The following SLC18A1 variants were observed in gnomAD, a reference collection of about 807,000 sequenced individuals.
SLC18A1 encodes solute carrier family 18 member A1, also known as chromaffin granule amine transporter.
SLC18A1 carries 69 observed loss-of-function variants against 53.7 expected under a neutral mutation model. That is an observed-to-expected ratio of 1.28 (90% CI 1.06 to 1.57). SLC18A1 has a LOEUF of 1.57. Ranked by LOEUF, SLC18A1 falls within the 40% of genes most tolerant of loss-of-function variation. The pLI, the probability that SLC18A1 is intolerant of heterozygous loss-of-function variation, is 0.00. For missense variants in SLC18A1, 932 were observed against 668.1 expected, an observed-to-expected ratio of 1.40 and a Z score of -4.35; for synonymous variants, 320 against 248.1, an observed-to-expected ratio of 1.29 and a Z score of -2.72.
Position 20,156,722 on chromosome 8 carries a change from A to T in SLC18A1, c.1016-5978T>A, listed in dbSNP as rs139637565. On this transcript the variant is annotated intron_variant, in intron 10 of 15. Coordinates refer to ENST00000276373, the MANE Select transcript of SLC18A1 (RefSeq NM_003053.4). Reference sequence around the variant, plus strand: ...CATATTTCTTACCCAAAAGGACTTAATCCGGGGCAACAAAAAGTTTAAGAT... The same window carrying T: ...CATATTTCTTACCCAAAAGGACTTATTCCGGGGCAACAAAAAGTTTAAGAT... 2.4e-3 allele frequency among the ~76,000 whole-genome samples: 371 copies of T among 152,358 alleles called. 1 individual carries two copies. Among genetic ancestry groups the T allele is most frequent in the Non-Finnish European group, 4.1e-3 (278 of 68,036 alleles).
At chr8:20,175,226 A>T (rs2072226315) in intron 4 of SLC18A1, 1 of 152,146 alleles carries the variant, frequency 6.6e-6, no homozygotes, top group African/African-American at 2.4e-5. Flanking sequence ...CTCCCTGAAC[A>T]TCTCCATTAT....
At chr8:20,170,434 G>T (rs139944088) in intron 8 of SLC18A1, among the ~76,000 whole-genome samples, 1 of 152,234 alleles carries the variant, frequency 6.6e-6, no homozygotes, top group African/African-American at 2.4e-5. Flanking sequence ...CATGACTTCC[G>T]GAATACCTTG....
Position 20,180,865 on chromosome 8 carries a change from C to G in SLC18A1, c.100G>C (p.Asp34His). The change falls in exon 2 of 16, where the codon GAC becomes CAC. Residue 34 changes from aspartate to histidine, a missense_variant. By Grantham distance (81) the Asp-to-His change is moderately conservative. Coordinates refer to ENST00000276373, the MANE Select transcript of SLC18A1 (RefSeq NM_003053.4). ...CCCACCACAGTAAACAGCATGTTGT[C>G]CAGGAGCAAAGCGACGAATACCACC... Reference protein sequence around the residue: ...LVVVFVALLLDNMLFTVVVPI... With the variant: ...LVVVFVALLLHNMLFTVVVPI... The G allele has an allele frequency of 6.2e-7, 1 of 1,614,010 alleles. No individual in the cohort carries two copies.
At chr8:20,178,121 AACAC>A (rs10560327) in intron 4 of SLC18A1, among the ~76,000 whole-genome samples, 26,032 of 148,760 alleles carry the variant, frequency 0.17, 2,374 homozygotes, top group African/African-American at 0.19. Context: ...TGATGCATAT[AACAC>A]ACACACACAC....
intron 6 of SLC18A1, 37 bp from the exon 7 acceptor site, chr8:20,171,531 G>C (rs1304733104): frequency 6.6e-7 from 1 of 1,504,606 alleles, no homozygotes; most frequent in Non-Finnish European, 9.3e-7. Context: ...CCAGAGGTGA[G>C]GGTGAGTCCT....
intron 8 of SLC18A1, among the ~76,000 whole-genome samples, chr8:20,166,276 G>T (rs373887802): frequency 0.011 from 659 of 60,432 alleles, 13 homozygotes; most frequent in African/African-American, 0.026. Flanking sequence ...ATTGTGTGTG[G>T]GTGTGTGTGT....
chr8:20,166,098 A>T (rs1024876357), intron 8 of SLC18A1, among the ~76,000 whole-genome samples: 2 of 151,784 alleles, frequency 1.3e-5, no homozygotes, highest in African/African-American at 4.8e-5. Flanking sequence ...AAACCCTTTG[A>T]CCCAACAGTC....
intron 1 of SLC18A1, among the ~76,000 whole-genome samples, chr8:20,182,757 A>G (rs527655260): frequency 2.4e-4 from 36 of 152,334 alleles, no homozygotes; most frequent in African/African-American, 7.9e-4. Flanking sequence ...TTAACCAGTA[A>G]ATGCATGCAA....
At position 20,147,370 on chromosome 8, in the gene SLC18A1, A is replaced by G; in HGVS notation, c.1352T>C (p.Ile451Thr). Residue 451 changes from isoleucine (I) to threonine (T), a missense_variant, in exon 15 of 16, where the codon ATT becomes ACT. Ile to Thr is a moderately conservative substitution (Grantham distance 89). Coordinates refer to ENST00000276373, the MANE Select transcript of SLC18A1 (RefSeq NM_003053.4). Reference protein sequence around the residue: ...FAIGPSTGGAIVKAIGFPWLM... With the variant: ...FAIGPSTGGATVKAIGFPWLM... Reference sequence around the variant, plus strand: ...CCAGGGAAAACCGATGGCCTTTACAATGGCACCACCGGTGGATGGACCTGG... The same window carrying G: ...CCAGGGAAAACCGATGGCCTTTACAGTGGCACCACCGGTGGATGGACCTGG... The G allele has an allele frequency of 2.5e-6, 4 of 1,611,932 alleles. No individual in the cohort carries two copies. Among genetic ancestry groups the G allele is most frequent in the Non-Finnish European group, 3.4e-6 (4 of 1,179,332 alleles).
intron 5 of SLC18A1, 35 bp from the exon 6 acceptor site, chr8:20,173,163 G>C: frequency 6.7e-7 from 1 of 1,493,672 alleles, no homozygotes; most frequent in African/African-American, 1.4e-5. Flanking sequence ...CTGGCCCCCT[G>C]GGGGGCTTCT....
chr8:20,150,796 ATGCCT>A, intron 10 of SLC18A1, 52 bp from the exon 11 acceptor site: 1 of 1,509,380 alleles, frequency 6.6e-7, no homozygotes, highest in Non-Finnish European at 9.2e-7. Flanking sequence ...TTACTCTAAA[ATGCCT>A]TGTCTCGTAC....
chr8:20,147,970 G>T (rs746388971), intron 13 of SLC18A1, 37 bp downstream of exon 13: 7 of 1,605,844 alleles, frequency 4.4e-6, no homozygotes, highest in South Asian at 2.2e-5. Flanking sequence ...AAGCCAACAT[G>T]CAGGGGCTTA....
In SLC18A1 at chr8:20,160,913, C is replaced by G. The variant is rs59297551; in HGVS notation, c.1015+3956G>C. On this transcript the variant is annotated intron_variant, in intron 10 of 15. Transcript: ENST00000276373. ...AAAAGAAAAAGGGGCCAAACTCCCC[C>G]CTTTTGTGACTAACCCACTCCTATG... 5.1e-3 allele frequency among the ~76,000 whole-genome samples: 781 copies of G among 152,164 alleles called. 9 individuals are homozygous for G. Among genetic ancestry groups the G allele is most frequent in the African/African-American group, 0.018 (733 of 41,512 alleles).
intron 5 of SLC18A1, among the ~76,000 whole-genome samples, chr8:20,173,610 T>G (rs2072181739): frequency 6.6e-6 from 1 of 152,188 alleles, no homozygotes; most frequent in African/African-American, 2.4e-5. Context: ...ATGGGTAAAA[T>G]GGCATAAAAT....
In SLC18A1 at chr8:20,173,056, C is replaced by T; in HGVS notation, c.704G>A (p.Gly235Asp). 29 of 1,588,906 alleles carry T rather than the reference C, an allele frequency of 1.8e-5. No individual in the cohort carries two copies. Among genetic ancestry groups the T allele is most frequent in the East Asian group, 6.9e-5 (3 of 43,474 alleles). Residue 235 changes from glycine to aspartate, a missense_variant, in exon 6 of 16, where the codon GGC (glycine) becomes GAC (aspartate). Gly to Asp is a moderately conservative substitution (Grantham distance 94). Coordinates refer to ENST00000276373, the MANE Select transcript of SLC18A1 (RefSeq NM_003053.4). ...CTTACCCAGCAACCCCAAGGCCAGG[C>T]CCCCCAGAGCAGTTCCCATGGCTCG... Reference protein sequence around the residue: ...RGRAMGTALGGLALGLLVGAP... With the variant: ...RGRAMGTALGDLALGLLVGAP...
At chr8:20,177,417 C>T (rs1390409568) in intron 4 of SLC18A1, among the ~76,000 whole-genome samples, 1 of 152,148 alleles carries the variant, frequency 6.6e-6, no homozygotes, top group East Asian at 1.9e-4. Flanking sequence ...GGCATGTTCT[C>T]ACTCATAGGT....
At chr8:20,169,805 G>T (rs1465487391) in intron 8 of SLC18A1, among the ~76,000 whole-genome samples, 1 of 152,154 alleles carries the variant, frequency 6.6e-6, no homozygotes, top group Admixed American at 6.5e-5. Context: ...TTTGAACCTA[G>T]GAGGCAGAGG....
chr8:20,155,580 G>A (rs540415231), intron 10 of SLC18A1, among the ~76,000 whole-genome samples: 2 of 152,162 alleles, frequency 1.3e-5, no homozygotes, highest in Non-Finnish European at 2.9e-5. Flanking sequence ...CTCTATAGTT[G>A]CCCATGTGTG....
chr8:20,173,322 A>C lies in SLC18A1; in HGVS notation c.632-194T>G, dbSNP rs148377600. Among the ~76,000 whole-genome samples, 1,016 of 152,118 alleles carry C rather than the reference A, an allele frequency of 6.7e-3. 11 individuals are homozygous for C. The highest frequency in any genetic ancestry group is 0.023 in the African/African-American group (973 of 41,478). ...AGTCCCCCAAGCCCCCACATTGTCCACTCCTGTTCAGAATATTGTTGATAG... is the reference window on the plus strand; with the variant it reads ...AGTCCCCCAAGCCCCCACATTGTCCCCTCCTGTTCAGAATATTGTTGATAG... On this transcript the variant is annotated intron_variant, in intron 5 of 15. Coordinates refer to ENST00000276373, the MANE Select transcript of SLC18A1 (RefSeq NM_003053.4).
Sources: gnomAD v4.1 joint callset for allele counts (sites outside exome capture counted in the v4.1 genomes callset) on GRCh38, gnomAD v4.1.1 for gene constraint, MANE v1.5 for transcripts, NCBI Gene and HGNC (gene_info 2026-07-23, HGNC 2026-07-21) for gene names.